Variants in KAT6A observed in about 807,000 individuals in gnomAD.
KAT6A encodes lysine acetyltransferase 6A.
In KAT6A, 9 loss-of-function variants were observed where a neutral mutation model predicts 198.4. That is an observed-to-expected ratio of 0.05 (90% confidence interval 0.03 to 0.08). KAT6A has a LOEUF of 0.08. Ranked by LOEUF, KAT6A falls within the 10% of genes least tolerant of loss-of-function variation. The pLI, the probability that KAT6A is intolerant of heterozygous loss-of-function variation, is 1.00. For missense variants in KAT6A, 2,077 were observed against 2,509.9 expected (o/e 0.83, Z 3.69); for synonymous variants, 890 against 883.0 (o/e 1.01, Z -0.14).
At chr8:42,049,493 A>T (rs1802490874) in intron 1 of KAT6A, 191 bp from the exon 2 acceptor site, 1 of 168,254 alleles carries the variant, frequency 5.9e-6, no homozygotes, top group South Asian at 2.0e-4. Flanking sequence ...AAAAAAGAAA[A>T]GAAAAAAAAA....
At chr8:41,973,149 G>T (rs1275225482) in intron 8 of KAT6A, among the ~76,000 whole-genome samples, 1 of 152,142 alleles carries the variant, frequency 6.6e-6, no homozygotes, top group Non-Finnish European at 1.5e-5. Flanking sequence ...CATAATGACC[G>T]ACATCAACAG....
chr8:41,957,013 G>C (rs891190818), intron 8 of KAT6A: 5 of 544,210 alleles, frequency 9.2e-6, no homozygotes, highest in African/African-American at 7.5e-5. Context: ...CTGAGGCAAG[G>C]ATCAGATAGA....
rs952092492 is a variant in KAT6A, at chr8:42,049,242, T to C, written c.-265A>G. ...ACCACACATGGGTCTCGTCATAAAGTTGTAAGAACTCAAGAATATTTCATT... is the reference window on the plus strand; with the variant it reads ...ACCACACATGGGTCTCGTCATAAAGCTGTAAGAACTCAAGAATATTTCATT... On this transcript the variant is annotated 5_prime_UTR_variant, in exon 2 of 17. Coordinates refer to ENST00000265713, the MANE Select transcript of KAT6A (RefSeq NM_006766.5). The C allele has an allele frequency of 7.3e-6, 3 of 411,788 alleles. No homozygotes were observed. The highest frequency in any genetic ancestry group is 1.3e-5 in the Non-Finnish European group (3 of 231,714). 25.5% of individuals were successfully genotyped at this position (411,788 alleles called of 1,614,324 possible).
At chr8:41,975,285 A>G (rs1231288878) in intron 7 of KAT6A, among the ~76,000 whole-genome samples, 1 of 152,146 alleles carries the variant, frequency 6.6e-6, no homozygotes, top group Admixed American at 6.6e-5. Flanking sequence ...ACTTTAAAAC[A>G]CTGTCCTTTT....
intron 8 of KAT6A, among the ~76,000 whole-genome samples, chr8:41,955,774 G>C (rs192474769): frequency 6.6e-6 from 1 of 152,118 alleles, no homozygotes; most frequent in African/African-American, 2.4e-5. Context: ...AGTGAGGGAG[G>C]GGGACACTGC....
chr8:41,984,111 C>A (rs987141070), intron 3 of KAT6A, among the ~76,000 whole-genome samples: 1 of 152,310 alleles, frequency 6.6e-6, no homozygotes, highest in East Asian at 1.9e-4. Flanking sequence ...TCCAGCTATG[C>A]CCATGCTGTT....
At chr8:42,041,610 C>T (rs549732435) in intron 2 of KAT6A, among the ~76,000 whole-genome samples, 16 of 152,056 alleles carry the variant, frequency 1.1e-4, no homozygotes, top group Non-Finnish European at 2.4e-4. Context: ...TGGTGGCACA[C>T]GCCTGTAATC....
chr8:41,977,378 G>T, intron 6 of KAT6A, 51 bp from the exon 7 acceptor site: 1 of 1,372,240 alleles, frequency 7.3e-7, no homozygotes. Flanking sequence ...ATACTTGTAA[G>T]GTTCCTTTTT....
chr8:41,947,704 T>C, intron 11 of KAT6A, 47 bp downstream of exon 11: 1 of 1,488,164 alleles, frequency 6.7e-7, no homozygotes, highest in Non-Finnish European at 9.1e-7. Flanking sequence ...AAAGATTCTT[T>C]CAGATTTCTA....
intron 8 of KAT6A, among the ~76,000 whole-genome samples, chr8:41,972,665 T>A (rs928022410): frequency 6.6e-6 from 1 of 152,298 alleles, no homozygotes. Context: ...CTGTTCCCAA[T>A]TGGAAGGAGA....
intron 2 of KAT6A, among the ~76,000 whole-genome samples, chr8:42,034,355 G>T (rs1352373790): frequency 6.6e-6 from 1 of 152,134 alleles, no homozygotes; most frequent in Non-Finnish European, 1.5e-5. Flanking sequence ...GGATACTATT[G>T]CTGGTGCTGT....
intron 2 of KAT6A, among the ~76,000 whole-genome samples, chr8:42,040,923 C>G (rs1250929539): frequency 6.6e-6 from 1 of 151,476 alleles, no homozygotes; most frequent in African/African-American, 2.4e-5. Flanking sequence ...TCAAAAAAAT[C>G]TGCACAGTTG....
Position 41,932,666 on chromosome 8 carries a change from T to C in KAT6A, c.5554A>G (p.Lys1852Glu), listed in dbSNP as rs367790706. 19 of 1,614,128 alleles carry C rather than the reference T, an allele frequency of 1.2e-5. No individual in the cohort carries two copies. Among genetic ancestry groups the C allele is most frequent in the Non-Finnish European group, 1.6e-5 (19 of 1,180,050 alleles). Residue 1852 changes from lysine to glutamate, a missense_variant, in exon 17 of 17, where the codon AAG (lysine) becomes GAG (glutamate). This residue lies in a region of KAT6A where 500 missense variants were observed against 577.2 expected (regional missense o/e 0.87). Transcript: ENST00000265713. ...TTGGAGCGGATGGAAATGTGCCCCT[T>C]CACTGGCATTTGCCCTTGCAATCTC... ...TQRLQGQMPV[K>E]GHISIRSKSA...
chr8:42,039,959 G>C (rs1827567959), intron 2 of KAT6A, among the ~76,000 whole-genome samples: 1 of 151,386 alleles, frequency 6.6e-6, no homozygotes, highest in Non-Finnish European at 1.5e-5. Flanking sequence ...ACGTTAGCCA[G>C]GATGGTCTCG....
chr8:42,023,229 A>G (rs1182735426), intron 2 of KAT6A, among the ~76,000 whole-genome samples: 1 of 152,158 alleles, frequency 6.6e-6, no homozygotes, highest in Non-Finnish European at 1.5e-5. Flanking sequence ...CAGGACTAGA[A>G]GTTGCCCCAA....
At chr8:41,964,357 T>C (rs1377237999) in intron 8 of KAT6A, among the ~76,000 whole-genome samples, 1 of 152,142 alleles carries the variant, frequency 6.6e-6, no homozygotes, top group Non-Finnish European at 1.5e-5. Context: ...CACATGGCTT[T>C]AATTACTTGT....
chr8:42,051,497 G>GCGCCCCGAGGGAGAGCGGGCT (rs1325696321), intron 1 of KAT6A, among the ~76,000 whole-genome samples: 1 of 146,292 alleles, frequency 6.8e-6, no homozygotes, highest in Admixed American at 6.8e-5. Flanking sequence ...GCGGGTGGGC[G>GCGCCCCGAGGGAGAGCGGGCT]CGCCCCGAGG....
At chr8:41,976,645 T>C (rs192183065) in intron 7 of KAT6A, among the ~76,000 whole-genome samples, 2 of 152,340 alleles carry the variant, frequency 1.3e-5, no homozygotes, top group African/African-American at 4.8e-5. Flanking sequence ...TCCAGTTTCC[T>C]TCCTGGAATA....
At chr8:42,025,307 G>C (rs938432219) in intron 2 of KAT6A, among the ~76,000 whole-genome samples, 1 of 152,026 alleles carries the variant, frequency 6.6e-6, no homozygotes, top group Non-Finnish European at 1.5e-5. Context: ...CACCTCCCAG[G>C]TTCAAGTGAT....
Sources: gnomAD v4.1 joint callset for allele counts (sites outside exome capture counted in the v4.1 genomes callset) on GRCh38, gnomAD v4.1.1 for gene constraint, gnomAD v4.1.1 regional missense constraint, MANE v1.5 for transcripts, NCBI Gene and HGNC (gene_info 2026-07-23, HGNC 2026-07-21) for gene names.